The following ATG16L1 variants were observed in gnomAD, a reference collection of about 807,000 sequenced individuals.
ATG16L1 encodes autophagy-related protein 16-1.
A neutral mutation model predicts 88.5 loss-of-function variants in ATG16L1; 37 were observed. The ratio of observed to expected loss-of-function variants is 0.42; its 90% CI spans 0.32 to 0.55. The LOEUF is 0.55. Ranked by LOEUF, ATG16L1 falls within the 20% of genes least tolerant of loss-of-function variation. The pLI, the probability that ATG16L1 is intolerant of heterozygous loss-of-function variation, is 0.13. For missense variants in ATG16L1, 554 were observed against 752.8 expected, an observed-to-expected ratio of 0.74 and a Z score of 3.09; for synonymous variants, 301 against 281.0, an observed-to-expected ratio of 1.07 and a Z score of -0.71.
At chr2:233,269,916 A>T in intron 5 of ATG16L1, 86 bp from the exon 6 acceptor site, 1 of 1,354,528 alleles carries the variant, frequency 7.4e-7, no homozygotes. Flanking sequence ...ATGTGTTATT[A>T]GAACTGGTGG....
intron 2 of ATG16L1, among the ~76,000 whole-genome samples, chr2:233,257,058 CT>C (rs1696836921): frequency 1.3e-5 from 2 of 150,456 alleles, no homozygotes; most frequent in African/African-American, 4.9e-5. Context: ...GAGATGGGGT[CT>C]CGCTCTGTCG....
intron 12 of ATG16L1, among the ~76,000 whole-genome samples, chr2:233,284,547 C>T (rs552782828): frequency 3.3e-5 from 5 of 151,952 alleles, no homozygotes; most frequent in African/African-American, 1.2e-4. Flanking sequence ...TTAACCAGGA[C>T]GTTCTCGATC....
chr2:233,281,204 G>T (rs767371436), intron 11 of ATG16L1, 29 bp downstream of exon 11: 1 of 1,480,150 alleles, frequency 6.8e-7, no homozygotes, highest in Non-Finnish European at 9.1e-7. Context: ...TGATTTTAAA[G>T]GTTTTTAGAA....
chr2:233,288,511 G>A (rs1699231825), intron 12 of ATG16L1, among the ~76,000 whole-genome samples: 1 of 152,016 alleles, frequency 6.6e-6, no homozygotes, highest in Non-Finnish European at 1.5e-5. Flanking sequence ...CAAACTCCTG[G>A]GCTCAAGCAA....
At chr2:233,263,539 G>A (rs1442469253) in intron 3 of ATG16L1, among the ~76,000 whole-genome samples, 1 of 152,156 alleles carries the variant, frequency 6.6e-6, no homozygotes, top group Non-Finnish European at 1.5e-5. Context: ...GTGCGCTGAA[G>A]GCCTCACTGA....
intron 2 of ATG16L1, 63 bp downstream of exon 2, chr2:233,256,258 G>C (rs188179834): frequency 7.4e-7 from 1 of 1,358,378 alleles, no homozygotes; most frequent in East Asian, 2.3e-5. Context: ...CAGTTCAGTT[G>C]TCACTTCTCT....
intron 12 of ATG16L1, among the ~76,000 whole-genome samples, chr2:233,287,310 A>G (rs1315009899): frequency 6.6e-6 from 1 of 152,216 alleles, no homozygotes; most frequent in East Asian, 1.9e-4. Flanking sequence ...TTTTAGGAAG[A>G]GTATAATTGT....
chr2:233,281,191 C>G lies in ATG16L1; in HGVS notation c.1131+16C>G. On this transcript the variant is annotated intron_variant, in intron 11 of 17. Transcript: ENST00000392017. ...TGATAGTGCTGTAAGTATTGAATAG[C>G]TATGATTTTAAAGGTTTTTAGAAAT... 6.5e-7 allele frequency: 1 copy of G among 1,540,280 alleles called. No homozygotes were observed. Among genetic ancestry groups the G allele is most frequent in the Non-Finnish European group, 8.8e-7 (1 of 1,139,598 alleles).
intron 9 of ATG16L1, 70 bp from the exon 10 acceptor site, chr2:233,277,498 G>T: frequency 7.2e-7 from 1 of 1,396,072 alleles, no homozygotes; most frequent in Non-Finnish European, 1.0e-6. Context: ...TTAGGCATTT[G>T]GAGTGTTCGC....
intron 12 of ATG16L1, 56 bp downstream of exon 12, chr2:233,282,809 A>C: frequency 6.6e-7 from 1 of 1,521,776 alleles, no homozygotes; most frequent in South Asian, 1.1e-5. Context: ...GGTGTTATCA[A>C]GGCACAAACT....
In ATG16L1 at chr2:233,273,706, T is replaced by A; in HGVS notation, c.795-15T>A. On this transcript the variant is annotated splice_polypyrimidine_tract_variant and intron_variant, in intron 7 of 17. Coordinates refer to ENST00000392017, the MANE Select transcript of ATG16L1 (RefSeq NM_030803.7). ...ATGTTTCTAAGGTTTAAACCTATCC[T>A]CCCCTCCTCTTTAGTAAGCGACTCT... is the stretch of plus-strand genomic sequence containing the variant. 1 of 1,613,432 alleles carries A rather than the reference T, an allele frequency of 6.2e-7. No homozygotes were observed. The highest frequency in any genetic ancestry group is 8.5e-7 in the Non-Finnish European group (1 of 1,179,486).
chr2:233,293,797 C>G (rs532317652), intron 17 of ATG16L1, among the ~76,000 whole-genome samples: 1 of 152,326 alleles, frequency 6.6e-6, no homozygotes, highest in African/African-American at 2.4e-5. Context: ...CCCAGACCCC[C>G]TTTTTTCCTA....
At chr2:233,280,558 C>G (rs1698655316) in intron 10 of ATG16L1, among the ~76,000 whole-genome samples, 2 of 152,128 alleles carry the variant, frequency 1.3e-5, no homozygotes, top group Non-Finnish European at 2.9e-5. Flanking sequence ...CCAGAAACTC[C>G]AAACTAGCTT....
chr2:233,253,011 A>G (rs1426449709), intron 1 of ATG16L1, among the ~76,000 whole-genome samples: 1 of 152,210 alleles, frequency 6.6e-6, no homozygotes, highest in East Asian at 1.9e-4. Context: ...TCTTTAAAAA[A>G]TTACAAATCC....
intron 10 of ATG16L1, among the ~76,000 whole-genome samples, chr2:233,278,982 C>A (rs1698552355): frequency 6.6e-6 from 1 of 152,076 alleles, no homozygotes; most frequent in Non-Finnish European, 1.5e-5. Flanking sequence ...CAAGACCAGC[C>A]TGGGCAACAA....
chr2:233,263,025 T>C, intron 2 of ATG16L1, 105 bp from the exon 3 acceptor site: 5 of 968,146 alleles, frequency 5.2e-6, no homozygotes, highest in Non-Finnish European at 8.0e-6. Flanking sequence ...TGTGAACATG[T>C]TTCTGGAGTT....
chr2:233,288,094 T>C (rs1574900423), intron 12 of ATG16L1, among the ~76,000 whole-genome samples: 2 of 152,048 alleles, frequency 1.3e-5, no homozygotes, highest in South Asian at 4.1e-4. Flanking sequence ...CTGGCAGCAG[T>C]TGTAAGATGC....
At chr2:233,256,552 G>A (rs181746191) in intron 2 of ATG16L1, among the ~76,000 whole-genome samples, 3 of 151,972 alleles carry the variant, frequency 2.0e-5, no homozygotes, top group East Asian at 3.9e-4. Flanking sequence ...TGTAGATCCT[G>A]TTAATGTAGG....
At chr2:233,290,873 C>T (rs186659587) in intron 14 of ATG16L1, among the ~76,000 whole-genome samples, 1 of 152,324 alleles carries the variant, frequency 6.6e-6, no homozygotes, top group African/African-American at 2.4e-5. Flanking sequence ...CAGGTTGCCA[C>T]AGGCTTGATA....
Sources: gnomAD v4.1 joint callset for allele counts (sites outside exome capture counted in the v4.1 genomes callset) on GRCh38, gnomAD v4.1.1 for gene constraint, MANE v1.5 for transcripts, NCBI Gene and HGNC (gene_info 2026-07-23, HGNC 2026-07-21) for gene names.